The following LUZP1 variants were observed in gnomAD, a reference collection of about 807,000 sequenced individuals.
The protein encoded by LUZP1 is filamin mechanobinding actin cross-linking protein.
A neutral mutation model predicts 71.3 loss-of-function variants in LUZP1; 25 were observed. That is an observed-to-expected ratio of 0.35 (90% CI 0.26 to 0.49). The LOEUF (loss-of-function observed/expected upper bound fraction) is 0.49, where lower values mean the gene tolerates loss of function less well. Among genes scored for constraint, LUZP1 ranks in the 20% least tolerant of loss-of-function variants. LUZP1 has a pLI of 0.99. For synonymous variants in LUZP1, 481 were observed against 506.4 expected, an observed-to-expected ratio of 0.95 and a Z score of 0.67; for missense variants, 1,142 against 1,300.8, an observed-to-expected ratio of 0.88 and a Z score of 1.88.
At chr1:23,131,762 C>T (rs1322809548) in intron 2 of LUZP1, among the ~76,000 whole-genome samples, 1 of 152,076 alleles carries the variant, frequency 6.6e-6, no homozygotes, top group African/African-American at 2.4e-5. Flanking sequence ...CTCGGCTCAC[C>T]GCAACCTCCA....
intron 3 of LUZP1, among the ~76,000 whole-genome samples, chr1:23,106,884 A>ATCAAGTCACTCC (rs1357361281): frequency 2.6e-5 from 4 of 152,148 alleles, no homozygotes; most frequent in Non-Finnish European, 5.9e-5. Flanking sequence ...CATCAGTCAG[A>ATCAAGTCACTCC]TCAAGTCACT....
intron 4 of LUZP1, among the ~76,000 whole-genome samples, 190 bp from the exon 4 acceptor site, chr1:23,089,243 G>A (rs997879731): frequency 1.3e-5 from 2 of 152,140 alleles, no homozygotes; most frequent in Admixed American, 6.5e-5. Flanking sequence ...TTGGAAATCG[G>A]CAGACTGGGA....
intron 2 of LUZP1, among the ~76,000 whole-genome samples, chr1:23,123,539 T>C (rs1171254489): frequency 6.7e-6 from 1 of 148,680 alleles, no homozygotes; most frequent in African/African-American, 2.5e-5. Flanking sequence ...AAGGTTGAAG[T>C]GACATTTTTC....
At chr1:23,118,488 T>C (rs1199225003) in intron 2 of LUZP1, among the ~76,000 whole-genome samples, 1 of 152,186 alleles carries the variant, frequency 6.6e-6, no homozygotes, top group Non-Finnish European at 1.5e-5. Context: ...TACTCTTGTC[T>C]CTCCAACTTA....
chr1:23,148,881 T>G (rs1035463341), intron 2 of LUZP1, among the ~76,000 whole-genome samples: 13 of 144,824 alleles, frequency 9.0e-5, no homozygotes, highest in Admixed American at 1.4e-4. Flanking sequence ...TCCCAGGAGT[T>G]CAAGACCAGC....
At position 23,094,686 on chromosome 1, in the gene LUZP1, A is replaced by G. The variant is rs1234139113; in HGVS notation, c.-119-306T>C. 6.6e-6 allele frequency among the ~76,000 whole-genome samples: 1 copy of G among 152,174 alleles called. No individual in the cohort carries two copies. Among genetic ancestry groups the G allele is most frequent in the African/African-American group, 2.4e-5 (1 of 41,454 alleles). ...CATCATTACCATCTGCAACCTGCAT[A>G]ATCTCAGGAGAGTCATTAACAATGG... is the stretch of plus-strand genomic sequence containing the variant. On this transcript the variant is annotated intron_variant, in intron 3 of 4. Coordinates refer to ENST00000302291, the Ensembl canonical transcript of LUZP1. The surrounding 1 kb of genome is among the most constrained non-coding windows in gnomAD (Gnocchi z 4.7).
At chr1:23,088,844 G>A (rs1201477556) in exon 5 of LUZP1, 2 of 1,593,914 alleles carry the variant, frequency 1.3e-6, no homozygotes, top group Admixed American at 1.7e-5. Flanking sequence ...GCAGGACGGT[G>A]GAAGAGCTGA....
exon 5 of LUZP1, chr1:23,085,889 G>C (rs969732838): frequency 3.9e-5 from 6 of 152,160 alleles, no homozygotes; most frequent in African/African-American, 1.4e-4. Context: ...TCAGCTGCTG[G>C]TACTAAGCCA....
chr1:23,159,383 A>C (rs1323783272), intron 2 of LUZP1, among the ~76,000 whole-genome samples: 1 of 152,160 alleles, frequency 6.6e-6, no homozygotes, highest in Non-Finnish European at 1.5e-5. Context: ...AAAGATAAAA[A>C]TCTAGCATAG....
chr1:23,135,645 G>C (rs1644247589), intron 2 of LUZP1, among the ~76,000 whole-genome samples: 1 of 152,150 alleles, frequency 6.6e-6, no homozygotes, highest in Middle Eastern at 3.2e-3. Flanking sequence ...CATTGGACCG[G>C]AGTTGCTGTA....
chr1:23,128,088 G>A (rs1205903361), intron 2 of LUZP1, among the ~76,000 whole-genome samples: 2 of 151,854 alleles, frequency 1.3e-5, no homozygotes, highest in African/African-American at 4.8e-5. Context: ...CCGAGATCAC[G>A]CCGCTGCACT....
chr1:23,130,525 CTTTTTTT>C (rs748312616), intron 2 of LUZP1, among the ~76,000 whole-genome samples: 2 of 117,214 alleles, frequency 1.7e-5, no homozygotes, highest in Non-Finnish European at 3.5e-5. Context: ...TAACAGTTAT[CTTTTTTT>C]TTTTTTTTTT....
At chr1:23,090,678 C>T in intron 4 of LUZP1, 1 of 600,676 alleles carries the variant, frequency 1.7e-6, no homozygotes, top group South Asian at 2.0e-5. Context: ...TAAAATAGGC[C>T]CAGTGTAAGC....
At position 23,094,267 on chromosome 1, in the gene LUZP1, C is replaced by T. The variant is rs766093495; in HGVS notation, c.-6G>A. On this transcript the variant is annotated 5_prime_UTR_variant, in exon 4 of 5. Transcript: ENST00000302291. The surrounding 1 kb of genome is among the most constrained non-coding windows in gnomAD (Gnocchi z 4.7). ...TAGCTTGTAAATTCGGCCATGTCTACTGCCAGCCAATGTGGGCTCCTAGAG... is the reference window on the plus strand; with the variant it reads ...TAGCTTGTAAATTCGGCCATGTCTATTGCCAGCCAATGTGGGCTCCTAGAG... 23 of 1,590,780 alleles carry T rather than the reference C, an allele frequency of 1.4e-5. No individual in the cohort carries two copies. Among genetic ancestry groups the T allele is most frequent in the Non-Finnish European group, 1.9e-5 (22 of 1,170,288 alleles).
chr1:23,151,510 T>C (rs577144269), intron 2 of LUZP1, among the ~76,000 whole-genome samples: 1 of 152,170 alleles, frequency 6.6e-6, no homozygotes. Context: ...AATCCAAGGA[T>C]AGAGGAGCAG....
chr1:23,167,890 G>GGGCGGGGGCCGGGGGTGCGCCGGGA (rs992371128), intron 2 of LUZP1, among the ~76,000 whole-genome samples: 2 of 151,994 alleles, frequency 1.3e-5, no homozygotes, highest in African/African-American at 2.4e-5. Context: ...CCGGGCGGCT[G>GGGCGGGGGCCGGGGGTGCGCCGGGA]GGCGGGGGCC....
intron 2 of LUZP1, among the ~76,000 whole-genome samples, chr1:23,150,363 A>G (rs1211664085): frequency 2.0e-5 from 3 of 152,188 alleles, no homozygotes; most frequent in African/African-American, 4.8e-5. Context: ...TAGAACTACA[A>G]TGATTGCTCC....
intron 2 of LUZP1, among the ~76,000 whole-genome samples, chr1:23,128,769 T>C (rs917593737): frequency 6.6e-6 from 1 of 152,198 alleles, no homozygotes. Context: ...CCTGGCCTCA[T>C]TGTGGGGGAG....
At chr1:23,092,363 A>C (rs767530074) in exon 4 of LUZP1, 2 of 1,614,080 alleles carry the variant, frequency 1.2e-6, no homozygotes, top group Admixed American at 3.3e-5. Context: ...CTTCCATCAC[A>C]ACTGCTGCAG....
Sources: allele counts gnomAD v4.1 joint callset (sites outside exome capture counted in the v4.1 genomes callset), GRCh38; gene constraint gnomAD v4.1.1; non-coding constraint Gnocchi (gnomAD v3.1); transcripts MANE v1.5; gene names NCBI Gene and HGNC (gene_info 2026-07-23, HGNC 2026-07-21).